Variants in THAP9 observed in about 807,000 individuals in gnomAD.
The protein encoded by THAP9 is DNA transposase THAP9.
Under a neutral mutation model 35.7 loss-of-function variants are expected in THAP9, and 20 were observed. The ratio of observed to expected loss-of-function variants is 0.56; its 90% CI spans 0.39 to 0.81. THAP9 has a LOEUF of 0.81. Among genes scored for constraint, THAP9 ranks in the 40% least tolerant of loss-of-function variants. The pLI is 0.00. For missense variants in THAP9, 870 were observed against 1,047.4 expected, an observed-to-expected ratio of 0.83 and a Z score of 2.34; for synonymous variants, 335 against 373.7, an observed-to-expected ratio of 0.90 and a Z score of 1.19.
At chr4:82,907,672 ACTATATTTGTATTTGAATT>A (rs1293629396) in intron 3 of THAP9, 94 bp from the exon 4 acceptor site, 18 of 796,124 alleles carry the variant, frequency 2.3e-5, no homozygotes, top group Non-Finnish European at 3.5e-5. Context: ...TCAAAATGCA[ACTATATTTGTATTTGAATT>A]CTGATGCCCA....
chr4:82,906,685 A>T (rs1484931964), intron 3 of THAP9, 58 bp downstream of exon 3: 1 of 1,470,454 alleles, frequency 6.8e-7, no homozygotes, highest in African/African-American at 1.4e-5. Flanking sequence ...CTGAGGTACC[A>T]TTAAGTATTT....
intron 3 of THAP9, 59 bp from the exon 4 acceptor site, chr4:82,907,726 A>C (rs1176255815): frequency 3.8e-6 from 5 of 1,302,434 alleles, no homozygotes; most frequent in Non-Finnish European, 5.3e-6. Flanking sequence ...CAAATGCTAT[A>C]ATCTGTACCT....
Position 82,919,924 on chromosome 4 carries a change from AATG to A in THAP9, c.*1003_*1005del, listed in dbSNP as rs1343981628. 2 of 152,236 alleles carry A rather than the reference AATG, an allele frequency of 1.3e-5. No homozygotes were observed. The highest frequency in any genetic ancestry group is 2.1e-4 in the South Asian group (1 of 4,834). 9.4% of individuals were successfully genotyped at this position (152,236 alleles called of 1,614,324 possible). A position where few individuals can be genotyped will look rare whatever the true frequency, so the allele number is the denominator to read the frequency against. On this transcript the variant is annotated 3_prime_UTR_variant, in exon 5 of 5. Transcript: ENST00000302236. ...TGAAAACTTAGAATTGTAAAAGATT[AATG>A]ATAACGTAAAAGTATATTGATTAAA...
In THAP9 at chr4:82,900,809, C is replaced by A. The variant is rs763285885; in HGVS notation, c.7C>A (p.Arg3=). Residue 3 remains arginine, a synonymous_variant, in exon 1 of 5, where the codon CGA becomes AGA. Coordinates refer to ENST00000302236, the MANE Select transcript of THAP9 (RefSeq NM_024672.6). MT[R]SCSAVGCSTR... ...GGCCCCACGTAACAAGAAGATGACC[C>A]GAAGTTGCTCCGCAGTGGGCTGCAG... 3 of 1,613,698 alleles carry A rather than the reference C, an allele frequency of 1.9e-6. No homozygotes were observed. The Admixed American group carries it at 5.0e-5, about 27-fold the overall frequency.
intron 1 of THAP9, among the ~76,000 whole-genome samples, chr4:82,902,697 C>T (rs2126010728): frequency 6.6e-6 from 1 of 152,322 alleles, no homozygotes; most frequent in South Asian, 2.1e-4. Flanking sequence ...TTTGCCCCAA[C>T]TTTATTGGAA....
rs1245645394 is a variant in THAP9 at position 82,918,641 on chromosome 4, A to G, written c.2429A>G (p.His810Arg). 1 of 1,614,008 alleles carries G rather than the reference A, an allele frequency of 6.2e-7. No individual in the cohort carries two copies. Among genetic ancestry groups the G allele is most frequent in the African/African-American group, 1.3e-5 (1 of 74,942 alleles). Residue 810 changes from histidine (H) to arginine (R), a missense_variant, in exon 5 of 5, where the codon CAT becomes CGT. By Grantham distance (29) the His-to-Arg change is conservative (BLOSUM62 0). Around this residue, in one of 3 missense-constraint regions of THAP9, gnomAD observed 414 missense variants for 500.8 expected, o/e 0.83. Coordinates refer to ENST00000302236, the MANE Select transcript of THAP9 (RefSeq NM_024672.6). ...AAAATATTATGTGAGCTTTCTGGGC[A>G]TATTAATCTTTTTGTAGATGTGAAT... ...QQKILCELSGHINLFVDVNKH... is the reference protein window; with the variant it reads ...QQKILCELSGRINLFVDVNKH...
At chr4:82,907,253 T>C (rs944874513) in intron 3 of THAP9, among the ~76,000 whole-genome samples, 10 of 152,160 alleles carry the variant, frequency 6.6e-5, no homozygotes, top group African/African-American at 2.4e-4. Context: ...TGTGTCCTCT[T>C]TTTAGAAAAG....
At position 82,918,149 on chromosome 4, in the gene THAP9, A is replaced by G; in HGVS notation, c.1937A>G (p.Lys646Arg). 1 of 1,614,148 alleles carries G rather than the reference A, an allele frequency of 6.2e-7. No homozygotes were observed. Among genetic ancestry groups the G allele is most frequent in the Non-Finnish European group, 8.5e-7 (1 of 1,179,996 alleles). ...KAYYNLETRY[K>R]FQDEVFLSKV... ...TACTATAATTTGGAGACCAGATACA[A>G]ATTTCAAGATGAAGTTTTTCTAAGC... Residue 646 changes from lysine (K) to arginine (R), a missense_variant, in exon 5 of 5, where the codon AAA becomes AGA. This residue lies in a region of THAP9 where 414 missense variants were observed against 500.8 expected (regional missense o/e 0.83). Transcript: ENST00000302236.
chr4:82,917,910 T>G lies in THAP9; in HGVS notation c.1698T>G (p.Ile566Met). ...CTGACACTAGCAATAATCAAATAAT[T>G]AAAGGTAAGCAAAAACTAGGATTCC... ...TLSDTSNNQI[I>M]KGKQKLGFLG... The change falls in exon 5 of 5, where the codon ATT becomes ATG. Residue 566 changes from isoleucine to methionine, a missense_variant. Ile to Met is a conservative substitution (Grantham distance 10, BLOSUM62 1). Transcript: ENST00000302236. 6.2e-7 allele frequency: 1 copy of G among 1,613,840 alleles called. No individual in the cohort carries two copies. The highest frequency in any genetic ancestry group is 2.2e-5 in the East Asian group (1 of 44,870).
intron 1 of THAP9, among the ~76,000 whole-genome samples, chr4:82,901,716 T>G (rs972032085): frequency 1.3e-5 from 2 of 152,018 alleles, no homozygotes; most frequent in Admixed American, 6.6e-5. Context: ...ATTGATTTTT[T>G]TTTTTTTTTG....
In THAP9 at chr4:82,900,743, A is replaced by G. The variant is rs1720288675; in HGVS notation, c.-60A>G. On this transcript the variant is annotated 5_prime_UTR_variant, in exon 1 of 5. Coordinates refer to ENST00000302236, the MANE Select transcript of THAP9 (RefSeq NM_024672.6). ...CCGCAGAGTCAACGGGCGGAGCTAA[A>G]GTGGTCGTGATTCATGCTGTCGCGG... is the stretch of plus-strand genomic sequence containing the variant. The G allele has an allele frequency of 5.1e-6, 8 of 1,578,914 alleles. No homozygotes were observed. The South Asian group carries it at 6.6e-5, about 13-fold the overall frequency.
intron 3 of THAP9, among the ~76,000 whole-genome samples, 199 bp from the exon 4 acceptor site, chr4:82,907,586 A>C (rs1310152649): frequency 1.3e-5 from 2 of 152,136 alleles, no homozygotes; most frequent in African/African-American, 4.8e-5. Context: ...TCTTCCCTCT[A>C]GTGAAATGAT....
At chr4:82,915,914 CAT>C (rs897359479) in intron 4 of THAP9, among the ~76,000 whole-genome samples, 9 of 151,954 alleles carry the variant, frequency 5.9e-5, no homozygotes, top group Non-Finnish European at 1.0e-4. Context: ...GTGTGTGTGT[CAT>C]ATATGTGTAA....
At chr4:82,910,954 A>C (rs1469636369) in intron 4 of THAP9, 1 of 182,032 alleles carries the variant, frequency 5.5e-6, no homozygotes, top group African/African-American at 2.3e-5. Context: ...GAAGAAGCAG[A>C]GAAAATGATT....
intron 2 of THAP9, among the ~76,000 whole-genome samples, 197 bp from the exon 3 acceptor site, chr4:82,906,127 T>C (rs952575462): frequency 4.3e-5 from 6 of 140,338 alleles, no homozygotes; most frequent in African/African-American, 1.7e-4. Flanking sequence ...TTAATATTTC[T>C]GTGTAGTGCA....
At position 82,917,173 on chromosome 4, in the gene THAP9, A is replaced by G. The variant is rs1721060770; in HGVS notation, c.961A>G (p.Thr321Ala). Residue 321 changes from threonine to alanine, a missense_variant, in exon 5 of 5, where the codon ACT becomes GCT. Transcript: ENST00000302236. ...TGATGAAACGCCACTTGCTTCAGAA[A>G]CTGTTTTGTTAATGGCAGTGGGTAT... is the stretch of plus-strand genomic sequence containing the variant. ...DADETPLASE[T>A]VLLMAVGIFG... The G allele has an allele frequency of 6.2e-7, 1 of 1,613,814 alleles. No individual in the cohort carries two copies. The highest frequency in any genetic ancestry group is 8.5e-7 in the Non-Finnish European group (1 of 1,179,864).
chr4:82,912,250 T>A (rs1720889172), intron 4 of THAP9, among the ~76,000 whole-genome samples: 1 of 152,192 alleles, frequency 6.6e-6, no homozygotes, highest in Non-Finnish European at 1.5e-5. Context: ...TTTAGTGTGA[T>A]CTTGGTCATA....
In THAP9 at chr4:82,918,571, A is replaced by G. The variant is rs1560700676; in HGVS notation, c.2359A>G (p.Ile787Val). ...TGTAAGAACCCATTCAAGAATGGCA[A>G]TTTTTGAACTAGTTTCTAAACAAAG... Reference protein sequence around the residue: ...RVVRTHSRMAIFELVSKQREL... With the variant: ...RVVRTHSRMAVFELVSKQREL... The change falls in exon 5 of 5, where the codon ATT becomes GTT. Residue 787 changes from isoleucine (I) to valine (V), a missense_variant. Ile to Val is a conservative substitution (Grantham distance 29). Coordinates refer to ENST00000302236, the MANE Select transcript of THAP9 (RefSeq NM_024672.6). The G allele has an allele frequency of 1.4e-5, 22 of 1,613,930 alleles. No individual in the cohort carries two copies. In the East Asian group the frequency reaches 4.0e-4, roughly 29 times the overall value.
intron 2 of THAP9, 111 bp downstream of exon 2, chr4:82,905,042 A>C: frequency 1.1e-6 from 1 of 900,450 alleles, no homozygotes; most frequent in South Asian, 1.8e-5. Flanking sequence ...CAAGTCTTAA[A>C]TCCAGTAATA....
Sources: allele counts gnomAD v4.1 joint callset (sites outside exome capture counted in the v4.1 genomes callset), GRCh38; gene constraint gnomAD v4.1.1; regional missense constraint gnomAD v4.1.1; transcripts MANE v1.5; gene names NCBI Gene and HGNC (gene_info 2026-07-23, HGNC 2026-07-21).